The following PTPRD variants were observed in gnomAD, a reference collection of about 807,000 sequenced individuals.
The protein encoded by PTPRD is protein tyrosine phosphatase receptor type D.
PTPRD carries 34 observed loss-of-function variants against 214.5 expected under a neutral mutation model. The observed-to-expected ratio is 0.16, with a 90% confidence interval of 0.12 to 0.21. The LOEUF (loss-of-function observed/expected upper bound fraction) is 0.21. PTPRD is among the 10% of genes least tolerant of loss of function. PTPRD has a pLI of 1.00. For missense variants in PTPRD, 2,545 were observed against 2,398.7 expected, an observed-to-expected ratio of 1.06 and a Z score of -1.27; for synonymous variants, 1,128 against 845.7, an observed-to-expected ratio of 1.33 and a Z score of -5.79.
chr9:10,455,094 T>G (rs1307338132), intron 2 of PTPRD, among the ~76,000 whole-genome samples: 1 of 151,760 alleles, frequency 6.6e-6, no homozygotes, highest in Non-Finnish European at 1.5e-5. Context: ...ATTGGTTTTC[T>G]GTCTCCCCAC....
At chr9:9,056,603 G>A (rs537174120) in intron 10 of PTPRD, among the ~76,000 whole-genome samples, 14 of 152,318 alleles carry the variant, frequency 9.2e-5, no homozygotes, top group African/African-American at 3.4e-4. Context: ...TAAGAAAAGA[G>A]TGGTTTAAGA....
At chr9:9,220,500 TC>T (rs2099955228) in intron 9 of PTPRD, among the ~76,000 whole-genome samples, 1 of 152,072 alleles carries the variant, frequency 6.6e-6, no homozygotes, top group South Asian at 2.1e-4. Context: ...GGGGATATAT[TC>T]TTTGTAAAAC....
At chr9:9,527,112 A>T (rs1414640797) in intron 8 of PTPRD, among the ~76,000 whole-genome samples, 1 of 152,120 alleles carries the variant, frequency 6.6e-6, no homozygotes, top group African/African-American at 2.4e-5. Flanking sequence ...TTATATATGG[A>T]TGTGAGTGTC....
intron 10 of PTPRD, among the ~76,000 whole-genome samples, chr9:9,174,175 A>G (rs1328872316): frequency 6.6e-6 from 1 of 152,204 alleles, no homozygotes; most frequent in Non-Finnish European, 1.5e-5. Context: ...AAAAATCGTT[A>G]TATAGAATAC....
chr9:9,648,487 A>T (rs1292712476), intron 7 of PTPRD, among the ~76,000 whole-genome samples: 10 of 152,236 alleles, frequency 6.6e-5, no homozygotes, highest in Non-Finnish European at 1.5e-4. Context: ...GATGTTTCTG[A>T]CCTGATGGTA....
chr9:9,258,366 G>A (rs1485570850), intron 9 of PTPRD, among the ~76,000 whole-genome samples: 1 of 151,622 alleles, frequency 6.6e-6, no homozygotes, highest in Non-Finnish European at 1.5e-5. Context: ...TGGCTATTAT[G>A]GTTTGTAATC....
intron 9 of PTPRD, among the ~76,000 whole-genome samples, chr9:9,207,458 ACAGTT>A (rs1393543266): frequency 6.6e-6 from 1 of 152,124 alleles, no homozygotes; most frequent in Non-Finnish European, 1.5e-5. Flanking sequence ...AGTTAGGGAA[ACAGTT>A]CAAAGAAAAA....
rs771597293 is a variant in PTPRD, at chr9:9,014,184, TTTG to T, written c.-104+4510_-104+4512del. Among the ~76,000 whole-genome samples, 435 of 116,032 alleles carry T rather than the reference TTTG, an allele frequency of 3.7e-3. 4 individuals are homozygous for T. Among genetic ancestry groups the T allele is most frequent in the African/African-American group, 0.013 (407 of 30,472 alleles). The allele number at this position is 116,032 out of a possible 152,430, so 76.1% of individuals were successfully genotyped here. On this transcript the variant is annotated intron_variant, in intron 11 of 45. Transcript: ENST00000381196. ...GGTCCATGCTATTACCTCGTTTTTT[TTTG>T]TTTGTTTGTTTGTTTTTTTTTTTTT...
At chr9:9,680,448 G>T (rs1433231915) in intron 7 of PTPRD, among the ~76,000 whole-genome samples, 4 of 151,742 alleles carry the variant, frequency 2.6e-5, no homozygotes, top group Non-Finnish European at 4.4e-5. Flanking sequence ...GTACTTCTAG[G>T]TTTAAAAGTT....
chr9:9,571,799 A>G (rs1323758346), intron 8 of PTPRD, among the ~76,000 whole-genome samples: 1 of 151,138 alleles, frequency 6.6e-6, no homozygotes, highest in Non-Finnish European at 1.5e-5. Context: ...CTACATATCA[A>G]TGTATTAATA....
chr9:9,513,472 T>A (rs915966473), intron 8 of PTPRD, among the ~76,000 whole-genome samples: 1 of 151,934 alleles, frequency 6.6e-6, no homozygotes, highest in Non-Finnish European at 1.5e-5. Flanking sequence ...GCTTACTATA[T>A]ATAATGTAGT....
At chr9:8,580,008 G>A (rs1249365014) in intron 14 of PTPRD, among the ~76,000 whole-genome samples, 1 of 152,144 alleles carries the variant, frequency 6.6e-6, no homozygotes, top group East Asian at 1.9e-4. Flanking sequence ...CATTCATCAG[G>A]GTTTGCAGGG....
chr9:9,601,657 T>G (rs978177853), intron 7 of PTPRD, among the ~76,000 whole-genome samples: 2 of 152,120 alleles, frequency 1.3e-5, no homozygotes, highest in African/African-American at 4.8e-5. Context: ...GCAGTCATCA[T>G]AAATATGATC....
At chr9:8,503,139 T>C (rs2097451512) in intron 23 of PTPRD, among the ~76,000 whole-genome samples, 1 of 152,002 alleles carries the variant, frequency 6.6e-6, no homozygotes, top group South Asian at 2.1e-4. Flanking sequence ...AATCATGCTT[T>C]AAAGAGGGAA....
chr9:10,555,846 T>C (rs1386988525), intron 2 of PTPRD, among the ~76,000 whole-genome samples: 6 of 152,070 alleles, frequency 3.9e-5, no homozygotes, highest in Non-Finnish European at 8.8e-5. Flanking sequence ...ACATTGTAAA[T>C]ATTGAGTACT....
chr9:9,037,608 T>A (rs2099626032), intron 10 of PTPRD, among the ~76,000 whole-genome samples: 1 of 152,162 alleles, frequency 6.6e-6, no homozygotes, highest in Admixed American at 6.6e-5. Flanking sequence ...ATCAGTTTTA[T>A]TCCATAACTA....
At chr9:8,796,533 C>T (rs2096429939) in intron 11 of PTPRD, among the ~76,000 whole-genome samples, 1 of 152,148 alleles carries the variant, frequency 6.6e-6, no homozygotes, top group Non-Finnish European at 1.5e-5. Context: ...TGGAATTTAA[C>T]TGTCTCTCTC....
At chr9:9,421,870 G>C (rs915053806) in intron 8 of PTPRD, among the ~76,000 whole-genome samples, 1 of 151,880 alleles carries the variant, frequency 6.6e-6, no homozygotes, top group Non-Finnish European at 1.5e-5. Context: ...GATGCTCAGA[G>C]ATAGTATATT....
At chr9:9,231,044 T>C (rs2099962771) in intron 9 of PTPRD, among the ~76,000 whole-genome samples, 1 of 150,312 alleles carries the variant, frequency 6.7e-6, no homozygotes. Context: ...CTTATCTGTG[T>C]ATGTCTGTCG....
Sources: allele counts gnomAD v4.1 joint callset (sites outside exome capture counted in the v4.1 genomes callset), GRCh38; gene constraint gnomAD v4.1.1; transcripts MANE v1.5; gene names NCBI Gene and HGNC (gene_info 2026-07-23, HGNC 2026-07-21).